Variants in CARD10 observed in about 807,000 individuals in gnomAD.
CARD10 encodes the protein caspase recruitment domain family member 10.
A neutral mutation model predicts 114.6 loss-of-function variants in CARD10; 49 were observed. The ratio of observed to expected loss-of-function variants is 0.43; its 90% CI spans 0.34 to 0.54. The LOEUF is 0.54. Among genes scored for constraint, CARD10 ranks in the 20% least tolerant of loss-of-function variants. The pLI, the probability that CARD10 is intolerant of heterozygous loss-of-function variation, is 0.03. For synonymous variants in CARD10, 602 were observed against 593.2 expected, an observed-to-expected ratio of 1.01 and a Z score of -0.21; for missense variants, 1,206 against 1,397.2, an observed-to-expected ratio of 0.86 and a Z score of 2.18.
rs746053804 is a variant in CARD10 at position 37,514,223 on chromosome 22, G to A, written c.699+1750C>T. ...GGAAGATAGTGTTGTCCACCCCAGC[G>A]TAGGGTGGCTGGAAAATTAAAGGGG... On this transcript the variant is annotated intron_variant, in intron 3 of 19. Transcript: ENST00000251973. 3.9e-5 allele frequency among the ~76,000 whole-genome samples: 6 copies of A among 152,124 alleles called. No individual in the cohort carries two copies. In the South Asian group the frequency reaches 6.2e-4, roughly 16 times the overall value.
Position 37,491,742 on chromosome 22 carries a change from C to T in CARD10, c.2864+13G>A. ...CCGAGTGCCCTGCCCACTGCCCCAC[C>T]CACCCACCTCACCTGACTTCCCGGA... On this transcript the variant is annotated intron_variant, in intron 19 of 19. Transcript: ENST00000251973. 1.9e-6 allele frequency: 2 copies of T among 1,056,014 alleles called. No homozygotes were observed. The highest frequency in any genetic ancestry group is 1.7e-5 in the Admixed American group (1 of 57,888). 65.4% of individuals were successfully genotyped at this position (1,056,014 alleles called of 1,614,324 possible).
At chr22:37,497,749 A>G (rs1923059496) in intron 11 of CARD10, among the ~76,000 whole-genome samples, 1 of 151,810 alleles carries the variant, frequency 6.6e-6, no homozygotes, top group Non-Finnish European at 1.5e-5. Flanking sequence ...CTGTAATTCC[A>G]GCTACTTGGG....
chr22:37,495,724 G>A (rs1226749873), intron 14 of CARD10, 36 bp downstream of exon 14: 1 of 1,612,310 alleles, frequency 6.2e-7, no homozygotes, highest in African/African-American at 1.3e-5. Flanking sequence ...CTGGCTCCCA[G>A]GGGGACCCCA....
intron 4 of CARD10, among the ~76,000 whole-genome samples, chr22:37,509,335 G>C (rs1010292059): frequency 1.4e-4 from 22 of 152,248 alleles, no homozygotes; most frequent in African/African-American, 4.8e-4. Flanking sequence ...CCAGAAAAAT[G>C]CTCACACTCA....
At chr22:37,508,051 AACAGT>A in intron 5 of CARD10, 97 bp from the exon 6 acceptor site, 4 of 1,465,636 alleles carry the variant, frequency 2.7e-6, no homozygotes, top group Non-Finnish European at 3.7e-6. Context: ...GACGCTCACC[AACAGT>A]CTGAGACCCA....
rs118054868 is a variant in CARD10 at position 37,510,410 on chromosome 22, G to T, written c.711C>A (p.Leu237=). The T allele has an allele frequency of 6.2e-7, 1 of 1,613,524 alleles. No individual in the cohort carries two copies. The highest frequency in any genetic ancestry group is 1.1e-5 in the South Asian group (1 of 91,088). Residue 237 remains leucine (L), a synonymous_variant, in exon 4 of 20, where the codon CTC becomes CTA. Transcript: ENST00000251973. ...SRDLQLAVDQ[L]KLKVSRLEEE... is the part of the protein sequence containing the mutation. Reference sequence around the variant, plus strand: ...CCTCCAGCCGACTCACTTTGAGCTTGAGCTGATCCACCTGGAGCCCAAGAC... The same window carrying T: ...CCTCCAGCCGACTCACTTTGAGCTTTAGCTGATCCACCTGGAGCCCAAGAC...
At chr22:37,502,822 C>T (rs2235332) in intron 10 of CARD10, 97 bp from the exon 11 acceptor site, 82,113 of 1,442,706 alleles carry the variant, frequency 0.057, 2,588 homozygotes, top group African/African-American at 0.091. Context: ...CCAGAGAGGC[C>T]TTGGCAGGTT....
intron 5 of CARD10, among the ~76,000 whole-genome samples, 153 bp downstream of exon 5, chr22:37,508,374 G>A (rs1181122713): frequency 2.6e-5 from 4 of 152,216 alleles, no homozygotes; most frequent in Non-Finnish European, 4.4e-5. Flanking sequence ...CATCTCAAGC[G>A]CCTAGAAGGG....
rs567585304 is a variant in CARD10, at chr22:37,508,798, T to C, written c.910-116A>G. On this transcript the variant is annotated intron_variant, in intron 4 of 19. Coordinates refer to ENST00000251973, the MANE Select transcript of CARD10 (RefSeq NM_014550.4). ...CAAACCCACCTGACCAGCTCTGCCA[T>C]GCTGGCCCGGGGCCTCGACCCTCTC... 1.2e-5 allele frequency: 15 copies of C among 1,288,096 alleles called. No homozygotes were observed. In the East Asian group the frequency reaches 3.6e-4, roughly 31 times the overall value. 79.8% of individuals were successfully genotyped at this position (1,288,096 alleles called of 1,614,324 possible).
chr22:37,505,406 G>A (rs767726932), intron 7 of CARD10, among the ~76,000 whole-genome samples: 9 of 151,978 alleles, frequency 5.9e-5, no homozygotes, highest in African/African-American at 1.2e-4. Context: ...CTGGGCGTTC[G>A]CACCTCTAAT....
intron 4 of CARD10, chr22:37,508,988 G>C (rs748220035): frequency 1.9e-6 from 3 of 1,549,154 alleles, no homozygotes; most frequent in East Asian, 4.9e-5. Context: ...GCACACACTC[G>C]TGCTCTGGCC....
intron 9 of CARD10, among the ~76,000 whole-genome samples, chr22:37,503,604 C>G (rs1455400720): frequency 6.6e-6 from 1 of 152,140 alleles, no homozygotes; most frequent in African/African-American, 2.4e-5. Context: ...TCATCAGACA[C>G]CTCCTTGGGA....
In CARD10 at chr22:37,490,567, A is replaced by T. The variant is rs527939113; in HGVS notation, c.*592T>A. The T allele has an allele frequency of 6.6e-6, 1 of 152,364 alleles. No homozygotes were observed. The highest frequency in any genetic ancestry group is 1.5e-5 in the Non-Finnish European group (1 of 68,158). The allele number at this position is 152,364 out of a possible 1,614,324, so 9.4% of individuals were successfully genotyped here. A position where few individuals can be genotyped will look rare whatever the true frequency, so the allele number is the denominator to read the frequency against. On this transcript the variant is annotated 3_prime_UTR_variant, in exon 20 of 20. Coordinates refer to ENST00000251973, the MANE Select transcript of CARD10 (RefSeq NM_014550.4). ...CGCACACGTGTTAGTGCCCACATGA[A>T]ACAGGGGTGGGGCGTGACATTTACA...
Position 37,519,046 on chromosome 22 carries a change from C to A in CARD10, c.155G>T (p.Arg52Leu). 1 of 1,595,636 alleles carries A rather than the reference C, an allele frequency of 6.3e-7. No individual in the cohort carries two copies. Among genetic ancestry groups the A allele is most frequent in the Non-Finnish European group, 8.5e-7 (1 of 1,177,570 alleles). Residue 52 changes from arginine to leucine, a missense_variant, in exon 1 of 20, where the codon CGC becomes CTC. By Grantham distance (102) the Arg-to-Leu change is moderately radical. Around this residue, in one of 2 missense-constraint regions of CARD10, gnomAD observed 138 missense variants for 218.0 expected, o/e 0.63. Coordinates refer to ENST00000251973, the MANE Select transcript of CARD10 (RefSeq NM_014550.4). The surrounding 1 kb of genome is among the most constrained non-coding windows in gnomAD (Gnocchi z 4.1). ...LNPAKLTPYL[R>L]QCRVIDEQDE... is the part of the protein sequence containing the mutation. ...CTGCTCGTCGATGACCCGGCACTGG[C>A]GCAGATACGGCGTGAGCTTGGCCGG...
rs1263609201 is a variant in CARD10 at position 37,501,215 on chromosome 22, T to A, written c.1787+1387A>T. Among the ~76,000 whole-genome samples, 1 of 151,946 alleles carries A rather than the reference T, an allele frequency of 6.6e-6. No homozygotes were observed. The highest frequency in any genetic ancestry group is 1.5e-5 in the Non-Finnish European group (1 of 67,980). On this transcript the variant is annotated intron_variant, in intron 11 of 19. Transcript: ENST00000251973. The surrounding 1 kb of genome is among the most constrained non-coding windows in gnomAD (Gnocchi z 5.4). ...CTGTGTTCTTCCCCAGGAACCTCTCTCCTCCCCAGGAACAGCATGGGCAGC... is the reference window on the plus strand; with the variant it reads ...CTGTGTTCTTCCCCAGGAACCTCTCACCTCCCCAGGAACAGCATGGGCAGC...
rs1922993076 is a variant in CARD10 at position 37,496,060 on chromosome 22, C to T, written c.2060-57G>A. 12 of 1,594,750 alleles carry T rather than the reference C, an allele frequency of 7.5e-6. No homozygotes were observed. The highest frequency in any genetic ancestry group is 3.4e-4 in the Middle Eastern group (2 of 5,938). On this transcript the variant is annotated intron_variant, in intron 13 of 19. Coordinates refer to ENST00000251973, the MANE Select transcript of CARD10 (RefSeq NM_014550.4). This position sits in a 1 kb window ranked among gnomAD's most constrained non-coding sequence, Gnocchi z 4.1. ...AGGACAAGAGGAGGATGGTGAGGTC[C>T]AGGATCGGCCTTGGTGGGGCCAAAG...
chr22:37,493,975 C>A (rs1405625916), intron 16 of CARD10, 111 bp downstream of exon 16: 3 of 812,650 alleles, frequency 3.7e-6, no homozygotes, highest in Admixed American at 4.0e-5. Context: ...GGAACCCTCA[C>A]AACAGGCCCT....
chr22:37,514,099 ATC>A (rs1923753258), intron 3 of CARD10, among the ~76,000 whole-genome samples: 1 of 33,680 alleles, frequency 3.0e-5, no homozygotes, highest in South Asian at 1.5e-3. Flanking sequence ...GCAAGACTCC[ATC>A]TCAAAAAAAA....
chr22:37,503,237 G>T (rs377264893), intron 9 of CARD10, 24 bp from the exon 10 acceptor site: 6 of 1,605,942 alleles, frequency 3.7e-6, no homozygotes, highest in Admixed American at 3.4e-5. Flanking sequence ...GGGCAGGGAG[G>T]GGGCAGGAGG....
Sources: gnomAD v4.1 joint callset for allele counts (sites outside exome capture counted in the v4.1 genomes callset) on GRCh38, gnomAD v4.1.1 for gene constraint, gnomAD v4.1.1 regional missense constraint, Gnocchi (gnomAD v3.1) non-coding constraint, MANE v1.5 for transcripts, NCBI Gene and HGNC (gene_info 2026-07-23, HGNC 2026-07-21) for gene names.